Variants in SIPA1L1 observed in about 807,000 individuals in gnomAD.
The protein encoded by SIPA1L1 is signal-induced proliferation-associated 1-like protein 1.
Under a neutral mutation model 162.7 loss-of-function variants are expected in SIPA1L1, and 26 were observed. The observed-to-expected ratio is 0.16, with a 90% CI of 0.12 to 0.22. SIPA1L1 has a LOEUF of 0.22. SIPA1L1 is among the 10% of genes least tolerant of loss of function. The pLI is 1.00. For synonymous variants in SIPA1L1, 829 were observed against 837.4 expected (o/e 0.99, Z 0.17); for missense variants, 1,874 against 2,241.0 (o/e 0.84, Z 3.31).
In SIPA1L1 at chr14:71,733,904, CAT is replaced by C. The variant is rs557048664; in HGVS notation, c.5008+95_5008+96del. 150 of 1,336,606 alleles carry C rather than the reference CAT, an allele frequency of 1.1e-4. No individual in the cohort carries two copies. The African/African-American group carries it at 1.7e-3, about 15-fold the overall frequency. The allele number at this position is 1,336,606 out of a possible 1,614,324, so 82.8% of individuals were successfully genotyped here. A position where few individuals can be genotyped will look rare whatever the true frequency, so the allele number is the denominator to read the frequency against. On this transcript the variant is annotated intron_variant, in intron 21 of 23. Coordinates refer to ENST00000381232, the MANE Select transcript of SIPA1L1 (RefSeq NM_001386936.1). ...TCTACTTCTCTGGACACACTCAAAA[CAT>C]ATGTGCCTCACCAGATGAGCTATCA...
chr14:71,450,569 T>C (rs2045738912), intron 2 of SIPA1L1, among the ~76,000 whole-genome samples: 1 of 152,194 alleles, frequency 6.6e-6, no homozygotes, highest in African/African-American at 2.4e-5. Flanking sequence ...TGCATTCAAC[T>C]TCGGAGCCAT....
In SIPA1L1 at chr14:71,695,141, G is replaced by A. The variant is rs186044916; in HGVS notation, c.3375-3840G>A. The stretch of plus-strand genomic sequence containing the variant: ...GTCTGTTCTCAAATAATATTTGTGT[G>A]ATAGTATCAAATTCAGAGTATTTGG... On this transcript the variant is annotated intron_variant, in intron 13 of 23. Transcript: ENST00000381232. 4.8e-3 allele frequency among the ~76,000 whole-genome samples: 738 copies of A among 152,304 alleles called. 15 individuals carry two copies. Among genetic ancestry groups the A allele is most frequent in the Non-Finnish European group, 1.8e-3 (124 of 68,022 alleles).
At chr14:71,734,208 G>A (rs193059326) in intron 21 of SIPA1L1, among the ~76,000 whole-genome samples, 3 of 152,318 alleles carry the variant, frequency 2.0e-5, no homozygotes, top group African/African-American at 7.2e-5. Context: ...TCACAAATGT[G>A]GGGCGCCCCC....
chr14:71,543,801 T>A (rs564949736), intron 4 of SIPA1L1, among the ~76,000 whole-genome samples: 47 of 150,660 alleles, frequency 3.1e-4, no homozygotes, highest in African/African-American at 1.1e-3. Flanking sequence ...TATATGTATA[T>A]AATGTATGTA....
intron 4 of SIPA1L1, among the ~76,000 whole-genome samples, chr14:71,565,349 T>C (rs957928778): frequency 1.3e-5 from 2 of 152,226 alleles, no homozygotes; most frequent in Admixed American, 6.5e-5. Flanking sequence ...TTTTTGAAGT[T>C]ATTTTCCTTA....
In SIPA1L1 at chr14:71,575,361, C is replaced by G. The variant is rs2032854741; in HGVS notation, c.-302-12210C>G. ...AGAATATGTATACTATGATGAGTGA[C>G]TATCATTGGGCTTGGGATTGGGACA... On this transcript the variant is annotated intron_variant, in intron 4 of 23. Transcript: ENST00000381232. 2.0e-5 allele frequency among the ~76,000 whole-genome samples: 3 copies of G among 152,252 alleles called. 1 individual carries two copies. In the South Asian group the frequency reaches 6.2e-4, roughly 32 times the overall value.
intron 14 of SIPA1L1, among the ~76,000 whole-genome samples, chr14:71,701,639 T>C (rs2082108992): frequency 6.6e-6 from 1 of 152,244 alleles, no homozygotes; most frequent in South Asian, 2.1e-4. Context: ...GCTCAGTCAG[T>C]ATTTACTTTG....
At chr14:71,675,791 G>A (rs901804317) in intron 12 of SIPA1L1, among the ~76,000 whole-genome samples, 2 of 152,250 alleles carry the variant, frequency 1.3e-5, no homozygotes. Flanking sequence ...GTGGTTCTTA[G>A]GGTCGCCAGG....
At chr14:71,542,737 TTC>T (rs1244466432) in intron 4 of SIPA1L1, among the ~76,000 whole-genome samples, 181 of 139,946 alleles carry the variant, frequency 1.3e-3, no homozygotes, top group Non-Finnish European at 1.8e-3. Flanking sequence ...CTCCTCCTTC[TTC>T]TCTCTCTCTC....
At chr14:71,355,869 T>C (rs1281823065) in intron 2 of SIPA1L1, among the ~76,000 whole-genome samples, 1 of 152,252 alleles carries the variant, frequency 6.6e-6, no homozygotes, top group Non-Finnish European at 1.5e-5. Flanking sequence ...ATATTTGCTA[T>C]GAGTGTTGGT....
intron 13 of SIPA1L1, among the ~76,000 whole-genome samples, chr14:71,688,732 T>G (rs1259690014): frequency 6.6e-6 from 1 of 152,170 alleles, no homozygotes; most frequent in Non-Finnish European, 1.5e-5. Flanking sequence ...CAAGTATAAT[T>G]TGGACCTTTC....
chr14:71,566,334 AT>A (rs1254902336), intron 4 of SIPA1L1, among the ~76,000 whole-genome samples: 2 of 152,252 alleles, frequency 1.3e-5, no homozygotes, highest in Admixed American at 1.3e-4. Context: ...AATATTAAAA[AT>A]AATTTAAAGT....
chr14:71,685,306 A>G, intron 12 of SIPA1L1, 56 bp from the exon 13 acceptor site: 3 of 1,579,816 alleles, frequency 1.9e-6, no homozygotes, highest in Non-Finnish European at 2.6e-6. Context: ...ATGTGGTTCC[A>G]CCAGCAAGAA....
chr14:71,545,827 A>T (rs1364576595), intron 4 of SIPA1L1, among the ~76,000 whole-genome samples: 1 of 152,082 alleles, frequency 6.6e-6, no homozygotes, highest in East Asian at 1.9e-4. Context: ...TTGGCTGGGT[A>T]TGGTGGTGCA....
At chr14:71,446,894 GTTTTTTTTTTTGTTTTTTTTTT>G (rs1383228234) in intron 2 of SIPA1L1, among the ~76,000 whole-genome samples, 2 of 87,404 alleles carry the variant, frequency 2.3e-5, no homozygotes, top group Non-Finnish European at 4.3e-5. Context: ...GATGGGCTCT[GTTTTTTTTTTTGTTTTTTTTTT>G]TTTTTTTTTT....
At chr14:71,611,119 C>G (rs150186740) in intron 5 of SIPA1L1, among the ~76,000 whole-genome samples, 84 of 152,252 alleles carry the variant, frequency 5.5e-4, no homozygotes, top group Non-Finnish European at 9.9e-4. Flanking sequence ...AGGATGAGCC[C>G]TTTGAGGACC....
chr14:71,386,955 A>T (rs555759629), intron 2 of SIPA1L1, among the ~76,000 whole-genome samples: 52 of 152,302 alleles, frequency 3.4e-4, no homozygotes, highest in Admixed American at 1.0e-3. Flanking sequence ...TAGATATTAA[A>T]AGAAAGACTG....
Position 71,529,379 on chromosome 14 carries a change from T to C in SIPA1L1, c.-303+9T>C. The C allele has an allele frequency of 1.5e-6, 1 of 665,638 alleles. No individual in the cohort carries two copies. The highest frequency in any genetic ancestry group is 1.7e-5 in the South Asian group (1 of 60,226). 41.2% of individuals were successfully genotyped at this position (665,638 alleles called of 1,614,324 possible). A position where few individuals can be genotyped will look rare whatever the true frequency, so the allele number is the denominator to read the frequency against. ...CATGGCACAAGAATATAGTAAGTACTATGCCATACTTCCTATGACCTACCT... is the reference window on the plus strand; with the variant it reads ...CATGGCACAAGAATATAGTAAGTACCATGCCATACTTCCTATGACCTACCT... On this transcript the variant is annotated intron_variant, in intron 4 of 23. Transcript: ENST00000381232.
At chr14:71,322,828 ACAGT>A (rs1316054528) in intron 2 of SIPA1L1, among the ~76,000 whole-genome samples, 4 of 152,192 alleles carry the variant, frequency 2.6e-5, no homozygotes, top group Non-Finnish European at 2.9e-5. Context: ...GTGGCTTGAG[ACAGT>A]CAGTAGGTGT....
Sources: gnomAD v4.1 joint callset for allele counts (sites outside exome capture counted in the v4.1 genomes callset) on GRCh38, gnomAD v4.1.1 for gene constraint, MANE v1.5 for transcripts, NCBI Gene and HGNC (gene_info 2026-07-23, HGNC 2026-07-21) for gene names.